Variants in INPP5A observed in about 807,000 individuals in gnomAD.
INPP5A encodes 43 kDa inositol polyphosphate 5-phophatase.
A neutral mutation model predicts 65.2 loss-of-function variants in INPP5A; 14 were observed. The ratio of observed to expected loss-of-function variants is 0.21; its 90% CI spans 0.14 to 0.34. The LOEUF (loss-of-function observed/expected upper bound fraction) is 0.34, where lower values mean the gene tolerates loss of function less well. Among genes scored for constraint, INPP5A ranks in the 10% least tolerant of loss-of-function variants. The pLI is 1.00. For missense variants in INPP5A, 431 were observed against 545.6 expected (o/e 0.79, Z 2.09); for synonymous variants, 207 against 208.3 (o/e 0.99, Z 0.05).
intron 2 of INPP5A, among the ~76,000 whole-genome samples, chr10:132,645,570 T>A (rs2072482797): frequency 1.3e-5 from 2 of 152,208 alleles, no homozygotes; most frequent in African/African-American, 4.8e-5. Flanking sequence ...ACGCATAACA[T>A]TTTTTTAACT....
chr10:132,607,659 C>T (rs1254258068), intron 1 of INPP5A, among the ~76,000 whole-genome samples: 2 of 152,266 alleles, frequency 1.3e-5, no homozygotes, highest in African/African-American at 2.4e-5. Context: ...GGCTGCGCGA[C>T]GCTGCCCGAG....
chr10:132,639,765 A>G (rs2072402930), intron 2 of INPP5A, among the ~76,000 whole-genome samples: 1 of 151,882 alleles, frequency 6.6e-6, no homozygotes, highest in South Asian at 2.1e-4. Flanking sequence ...CTTTTGCTGA[A>G]CCTTTGTGCT....
At chr10:132,667,862 T>C (rs2072828320) in intron 4 of INPP5A, among the ~76,000 whole-genome samples, 1 of 152,148 alleles carries the variant, frequency 6.6e-6, no homozygotes, top group Admixed American at 6.5e-5. Flanking sequence ...CTTGGGCTCT[T>C]GGAAAAGGGG....
chr10:132,607,277 G>A (rs1329193263), intron 1 of INPP5A, among the ~76,000 whole-genome samples: 1 of 152,242 alleles, frequency 6.6e-6, no homozygotes, highest in African/African-American at 2.4e-5. Flanking sequence ...TGGGGCCTGG[G>A]TCTCTGGCGG....
At chr10:132,597,212 TTTA>T (rs2071714628) in intron 1 of INPP5A, among the ~76,000 whole-genome samples, 2 of 152,350 alleles carry the variant, frequency 1.3e-5, no homozygotes, top group South Asian at 4.1e-4. Context: ...TGGCCGAGGG[TTTA>T]TTTTCTAGTA....
intron 11 of INPP5A, among the ~76,000 whole-genome samples, chr10:132,755,271 G>A (rs1846576461): frequency 6.6e-6 from 1 of 151,220 alleles, no homozygotes; most frequent in Non-Finnish European, 1.5e-5. Flanking sequence ...GTGTGCATGT[G>A]AGCCTTCATG....
chr10:132,776,021 G>A (rs375496036), intron 12 of INPP5A, among the ~76,000 whole-genome samples: 3 of 151,832 alleles, frequency 2.0e-5, no homozygotes, highest in East Asian at 2.0e-4. Context: ...GGCAGTGGAC[G>A]TGTGTCAGGG....
chr10:132,581,490 C>T (rs1339967811), intron 1 of INPP5A, among the ~76,000 whole-genome samples: 1 of 152,182 alleles, frequency 6.6e-6, no homozygotes, highest in Non-Finnish European at 1.5e-5. Flanking sequence ...GCCAATTCTG[C>T]TGGTCTCTTC....
At chr10:132,554,021 G>A (rs1221616956) in intron 1 of INPP5A, among the ~76,000 whole-genome samples, 4 of 150,224 alleles carry the variant, frequency 2.7e-5, no homozygotes, top group East Asian at 2.0e-4. Flanking sequence ...ATTGGTGAAC[G>A]CCTTCTCAGA....
At position 132,678,874 on chromosome 10, in the gene INPP5A, T is replaced by C. The variant is rs2073005773; in HGVS notation, c.307-11518T>C. Reference sequence around the variant, plus strand: ...CACAGAGACCTGAAGCAGCAGGGGGTCCATGTGAGAAGCTGGAAAAGGGGA... The same window carrying C: ...CACAGAGACCTGAAGCAGCAGGGGGCCCATGTGAGAAGCTGGAAAAGGGGA... On this transcript the variant is annotated intron_variant, in intron 4 of 15. Coordinates refer to ENST00000368594, the MANE Select transcript of INPP5A (RefSeq NM_005539.5). The surrounding 1 kb of genome is among the most constrained non-coding windows in gnomAD (Gnocchi z 4.1). 6.7e-6 allele frequency among the ~76,000 whole-genome samples: 1 copy of C among 149,030 alleles called. No individual in the cohort carries two copies. Among genetic ancestry groups the C allele is most frequent in the Non-Finnish European group, 1.5e-5 (1 of 67,096 alleles).
At chr10:132,638,133 TC>T (rs2072380975) in intron 2 of INPP5A, among the ~76,000 whole-genome samples, 1 of 152,184 alleles carries the variant, frequency 6.6e-6, no homozygotes, top group Non-Finnish European at 1.5e-5. Flanking sequence ...TGCCTTTTCT[TC>T]CTTTCTCCTT....
chr10:132,629,760 C>T lies in INPP5A; in HGVS notation c.118-16108C>T, dbSNP rs962305356. On this transcript the variant is annotated intron_variant, in intron 2 of 15. Coordinates refer to ENST00000368594, the MANE Select transcript of INPP5A (RefSeq NM_005539.5). ...GCATCCACGATGGCCAGGTGGCCTC[C>T]GGGGAAGCTGTCCTCCAGGGAAGGC... Among the ~76,000 whole-genome samples the T allele has an allele frequency of 4.6e-5, 7 of 152,162 alleles. No individual in the cohort carries two copies. In the East Asian group the frequency reaches 5.8e-4, roughly 13 times the overall value.
chr10:132,697,334 G>A lies in INPP5A; in HGVS notation c.371-482G>A, dbSNP rs1312850155. On this transcript the variant is annotated intron_variant, in intron 5 of 15. Transcript: ENST00000368594. This position sits in a 1 kb window ranked among gnomAD's most constrained non-coding sequence, Gnocchi z 5.6. ...GGGGGTCCAGGAAAGGTGCCAAGCAGCCACTGGCAAAGCCCATCTGGGAGG... is the reference window on the plus strand; with the variant it reads ...GGGGGTCCAGGAAAGGTGCCAAGCAACCACTGGCAAAGCCCATCTGGGAGG... Among the ~76,000 whole-genome samples the A allele has an allele frequency of 3.3e-5, 5 of 152,256 alleles. No individual in the cohort carries two copies. Among genetic ancestry groups the A allele is most frequent in the Admixed American group, 2.6e-4 (4 of 15,290 alleles).
In INPP5A at chr10:132,627,051, G is replaced by GC. The variant is rs888207978; in HGVS notation, c.118-18811dup. ...GGGGTGAGATGAGGTTATGCGGTGG[G>GC]CCCCCCGGATGGGATGGGTGCCCTT... On this transcript the variant is annotated intron_variant, in intron 2 of 15. Transcript: ENST00000368594. The surrounding 1 kb of genome is among the most constrained non-coding windows in gnomAD (Gnocchi z 6.6). Among the ~76,000 whole-genome samples, 72 of 151,956 alleles carry GC rather than the reference G, an allele frequency of 4.7e-4. No individual in the cohort carries two copies. The highest frequency in any genetic ancestry group is 1.0e-3 in the Non-Finnish European group (69 of 67,984).
At chr10:132,756,415 T>C (rs992016614) in intron 11 of INPP5A, among the ~76,000 whole-genome samples, 3 of 152,220 alleles carry the variant, frequency 2.0e-5, no homozygotes, top group Non-Finnish European at 4.4e-5. Flanking sequence ...CTTGTGTGTG[T>C]GCGTGTGTGT....
In INPP5A at chr10:132,546,357, T is replaced by A. The variant is rs562235046; in HGVS notation, c.75+8186T>A. Among the ~76,000 whole-genome samples the A allele has an allele frequency of 7.2e-5, 11 of 152,080 alleles. No homozygotes were observed. Among genetic ancestry groups the A allele is most frequent in the Non-Finnish European group, 1.6e-4 (11 of 68,000 alleles). ...GCTTCTGGTTTTTCCCCGTTGTGAG[T>A]GAGAACAGCCCCACCTCCAGGAGCA... On this transcript the variant is annotated intron_variant, in intron 1 of 15. Coordinates refer to ENST00000368594, the MANE Select transcript of INPP5A (RefSeq NM_005539.5). This position sits in a 1 kb window ranked among gnomAD's most constrained non-coding sequence, Gnocchi z 5.7.
At chr10:132,624,599 G>A (rs939317693) in intron 2 of INPP5A, among the ~76,000 whole-genome samples, 2 of 152,188 alleles carry the variant, frequency 1.3e-5, no homozygotes, top group South Asian at 2.1e-4. Flanking sequence ...TCTTCTGTGC[G>A]GTTCCTCCCA....
rs2071408210 is a variant in INPP5A, at chr10:132,575,973, G to A, written c.76-31942G>A. 6.6e-6 allele frequency among the ~76,000 whole-genome samples: 1 copy of A among 152,168 alleles called. No individual in the cohort carries two copies. The highest frequency in any genetic ancestry group is 2.4e-5 in the African/African-American group (1 of 41,430). ...TCCTGAACCACGAGTACTTTCTGGG[G>A]AAATGATTTCACCCACTGCCCCCTG... On this transcript the variant is annotated intron_variant, in intron 1 of 15. Transcript: ENST00000368594. The surrounding 1 kb of genome is among the most constrained non-coding windows in gnomAD (Gnocchi z 5.4).
intron 2 of INPP5A, among the ~76,000 whole-genome samples, chr10:132,625,962 G>A (rs1049806036): frequency 6.6e-6 from 1 of 151,850 alleles, no homozygotes; most frequent in African/African-American, 2.4e-5. Flanking sequence ...ATGTTTCTTC[G>A]ATTTTGACAA....
Sources: allele counts gnomAD v4.1 joint callset (sites outside exome capture counted in the v4.1 genomes callset), GRCh38; gene constraint gnomAD v4.1.1; non-coding constraint Gnocchi (gnomAD v3.1); transcripts MANE v1.5; gene names NCBI Gene and HGNC (gene_info 2026-07-23, HGNC 2026-07-21).